DNAJC16: variants seen among roughly 807,000 people sequenced by gnomAD.
DNAJC16 encodes dnaJ homolog subfamily C member 16.
In DNAJC16, 76 loss-of-function variants were observed where a neutral mutation model predicts 92.7. That is an observed-to-expected ratio of 0.82 (90% CI 0.68 to 0.99). The LOEUF is 0.99. Ranked by LOEUF, DNAJC16 falls within the 50% of genes least tolerant of loss-of-function variation. The pLI, the probability that DNAJC16 is intolerant of heterozygous loss-of-function variation, is 0.00. For synonymous variants in DNAJC16, 328 were observed against 358.7 expected, an observed-to-expected ratio of 0.91 and a Z score of 0.97; for missense variants, 869 against 942.4, an observed-to-expected ratio of 0.92 and a Z score of 1.02.
At chr1:15,538,689 C>T (rs750229347) in intron 4 of DNAJC16, among the ~76,000 whole-genome samples, 14 of 152,276 alleles carry the variant, frequency 9.2e-5, no homozygotes, top group Non-Finnish European at 1.6e-4. Flanking sequence ...TGCATTCCAG[C>T]CTGGGCAGTG....
intron 3 of DNAJC16, among the ~76,000 whole-genome samples, chr1:15,534,868 A>G (rs1053387906): frequency 6.6e-6 from 1 of 152,210 alleles, no homozygotes; most frequent in Non-Finnish European, 1.5e-5. Flanking sequence ...ATGTGTCACT[A>G]TTGCCTTCTT....
rs1163186687 is a variant in DNAJC16, at chr1:15,569,130, T to C, written c.*953T>C. 7 of 157,926 alleles carry C rather than the reference T, an allele frequency of 4.4e-5. No homozygotes were observed. The highest frequency in any genetic ancestry group is 8.4e-5 in the Non-Finnish European group (6 of 71,802). The allele number at this position is 157,926 out of a possible 1,614,324, so 9.8% of individuals were successfully genotyped here. Reference sequence around the variant, plus strand: ...TATTCCCACCTGCTATGAGTCAGGCTTAAGGAATCTCTTCAATAGTGTCTC... The same window carrying C: ...TATTCCCACCTGCTATGAGTCAGGCCTAAGGAATCTCTTCAATAGTGTCTC... On this transcript the variant is annotated 3_prime_UTR_variant, in exon 15 of 15. Coordinates refer to ENST00000375847, the MANE Select transcript of DNAJC16 (RefSeq NM_015291.4).
intron 3 of DNAJC16, among the ~76,000 whole-genome samples, chr1:15,536,194 C>T (rs910530574): frequency 1.3e-5 from 2 of 151,716 alleles, no homozygotes; most frequent in Non-Finnish European, 2.9e-5. Context: ...CTACCTCAGC[C>T]TCCCGAGTAG....
At chr1:15,550,723 C>G (rs966438077) in intron 7 of DNAJC16, among the ~76,000 whole-genome samples, 2 of 152,216 alleles carry the variant, frequency 1.3e-5, no homozygotes, top group Non-Finnish European at 2.9e-5. Flanking sequence ...TTGACATTTA[C>G]ACTGATAGTA....
At chr1:15,551,004 G>A (rs1328271259) in intron 7 of DNAJC16, among the ~76,000 whole-genome samples, 3 of 152,088 alleles carry the variant, frequency 2.0e-5, no homozygotes, top group Non-Finnish European at 4.4e-5. Context: ...CGAGTTGCTG[G>A]GATTACAGGC....
intron 4 of DNAJC16, among the ~76,000 whole-genome samples, chr1:15,541,876 C>G (rs150566323): frequency 1.9e-4 from 29 of 152,242 alleles, no homozygotes; most frequent in African/African-American, 6.5e-4. Context: ...ATTGCCTGAT[C>G]AATAGGGGTG....
chr1:15,567,108 T>TA lies in DNAJC16; in HGVS notation c.1794dup (p.Gly599ArgfsTer7). 1 of 1,607,234 alleles carries TA rather than the reference T, an allele frequency of 6.2e-7. No homozygotes were observed. Among genetic ancestry groups the TA allele is most frequent in the Non-Finnish European group, 8.5e-7 (1 of 1,174,088 alleles). On this transcript the variant is annotated frameshift_variant, in exon 14 of 15. Transcript: ENST00000375847. LOFTEE classifies it high-confidence loss of function. ...CAATATTTCTCCACAGCAAGATTCCTAAAAAAGGCTTTGTGGAGGTAACTG... is the reference window on the plus strand; with the variant it reads ...CAATATTTCTCCACAGCAAGATTCCTAAAAAAAGGCTTTGTGGAGGTAACTG...
intron 2 of DNAJC16, among the ~76,000 whole-genome samples, chr1:15,531,305 G>A (rs1269783992): frequency 6.6e-6 from 1 of 152,122 alleles, no homozygotes; most frequent in Non-Finnish European, 1.5e-5. Flanking sequence ...TTGAAATAAA[G>A]GTAAAGATCA....
chr1:15,556,309 A>G, intron 7 of DNAJC16, among the ~76,000 whole-genome samples: 1 of 151,968 alleles, frequency 6.6e-6, no homozygotes, highest in African/African-American at 2.4e-5. Flanking sequence ...ATCTCGGCTC[A>G]CTGCAACCTC....
chr1:15,534,069 A>C (rs1710722833), intron 2 of DNAJC16, among the ~76,000 whole-genome samples, 168 bp from the exon 3 acceptor site: 1 of 152,234 alleles, frequency 6.6e-6, no homozygotes, highest in Non-Finnish European at 1.5e-5. Context: ...AGTTTCATTT[A>C]TTATAGTCAT....
At chr1:15,543,011 G>A (rs997230019) in intron 4 of DNAJC16, among the ~76,000 whole-genome samples, 1 of 152,228 alleles carries the variant, frequency 6.6e-6, no homozygotes, top group Non-Finnish European at 1.5e-5. Flanking sequence ...CACAACTTCA[G>A]TGTGCAACAA....
At position 15,564,065 on chromosome 1, in the gene DNAJC16, T is replaced by C. The variant is rs763274844; in HGVS notation, c.1475T>C (p.Leu492Pro). The change falls in exon 10 of 15, where the codon CTG becomes CCG. Residue 492 changes from leucine (L) to proline (P), a missense_variant. Physicochemically the swap from Leu to Pro is moderately conservative, Grantham distance 98. Coordinates refer to ENST00000375847, the MANE Select transcript of DNAJC16 (RefSeq NM_015291.4). ...LDQLRKDPAL[L>P]SSEAVLPDLT... ...CAGCTGCGTAAAGATCCAGCTCTTC[T>C]GTCCTCTGAAGCAGTGCTTCCTGAC... 2.5e-6 allele frequency: 4 copies of C among 1,613,690 alleles called. No individual in the cohort carries two copies. The South Asian group carries it at 4.4e-5, about 18-fold the overall frequency.
Position 15,536,754 on chromosome 1 carries a change from T to C in DNAJC16, c.514T>C (p.Phe172Leu), listed in dbSNP as rs746265443. ...CATCAAGATCACCTCCGATTGGTGC[T>C]TTAGCTGCATTCATATCGAGCCTGT... ...YLIKITSDWCFSCIHIEPVWK... is the reference protein window; with the variant it reads ...YLIKITSDWCLSCIHIEPVWK... Residue 172 changes from phenylalanine (F) to leucine (L), a missense_variant, in exon 4 of 15, where the codon TTT (phenylalanine) becomes CTT (leucine). Phe to Leu is a conservative substitution (Grantham distance 22). Transcript: ENST00000375847. The C allele has an allele frequency of 4.3e-6, 7 of 1,614,042 alleles. No individual in the cohort carries two copies. The Admixed American group carries it at 6.7e-5, about 15-fold the overall frequency.
intron 1 of DNAJC16, 23 bp from the exon 2 acceptor site, chr1:15,529,065 C>T: frequency 6.2e-7 from 1 of 1,605,440 alleles, no homozygotes; most frequent in Non-Finnish European, 8.5e-7. Context: ...CACTGAAACT[C>T]ATTGCCTCTT....
chr1:15,540,587 G>C (rs2103409270), intron 4 of DNAJC16, among the ~76,000 whole-genome samples: 1 of 152,152 alleles, frequency 6.6e-6, no homozygotes, highest in Admixed American at 6.5e-5. Flanking sequence ...TTTCTTATAG[G>C]TAAAATAGAG....
At chr1:15,527,762 C>T (rs1241093743) in intron 1 of DNAJC16, among the ~76,000 whole-genome samples, 2 of 152,216 alleles carry the variant, frequency 1.3e-5, no homozygotes, top group African/African-American at 4.8e-5. Context: ...CGGCATTAAA[C>T]TTGCACTTAC....
At chr1:15,562,657 T>C (rs1298193065) in intron 9 of DNAJC16, among the ~76,000 whole-genome samples, 2 of 151,674 alleles carry the variant, frequency 1.3e-5, no homozygotes, top group African/African-American at 2.4e-5. Context: ...GGCTAATTTT[T>C]TGTATTTTTT....
At chr1:15,549,260 G>A (rs1638384677) in intron 7 of DNAJC16, among the ~76,000 whole-genome samples, 1 of 152,202 alleles carries the variant, frequency 6.6e-6, no homozygotes, top group African/African-American at 2.4e-5. Flanking sequence ...AATTAGAGCT[G>A]CCTGTAGGAA....
chr1:15,542,958 G>C (rs1710967264), intron 4 of DNAJC16, among the ~76,000 whole-genome samples: 1 of 152,198 alleles, frequency 6.6e-6, no homozygotes, highest in African/African-American at 2.4e-5. Context: ...GGAAAGCATT[G>C]TGTTGAGTGT....
Sources: allele counts gnomAD v4.1 joint callset (sites outside exome capture counted in the v4.1 genomes callset), GRCh38; gene constraint gnomAD v4.1.1; transcripts MANE v1.5; gene names NCBI Gene and HGNC (gene_info 2026-07-23, HGNC 2026-07-21).